DGKB: variants seen among roughly 807,000 people sequenced by gnomAD.
The protein encoded by DGKB is 90 kDa diacylglycerol kinase.
DGKB carries 67 observed loss-of-function variants against 114.3 expected under a neutral mutation model. That is an observed-to-expected ratio of 0.59 (90% confidence interval 0.48 to 0.72). The LOEUF (loss-of-function observed/expected upper bound fraction) is 0.72. Among genes scored for constraint, DGKB ranks in the 30% least tolerant of loss-of-function variants. The pLI is 0.00. For synonymous variants in DGKB, 398 were observed against 323.1 expected, an observed-to-expected ratio of 1.23 and a Z score of -2.49; for missense variants, 907 against 975.2, an observed-to-expected ratio of 0.93 and a Z score of 0.93.
chr7:14,171,821 C>T (rs1184469007), intron 25 of DGKB, among the ~76,000 whole-genome samples: 1 of 152,100 alleles, frequency 6.6e-6, no homozygotes, highest in African/African-American at 2.4e-5. Context: ...TTTGCAAATT[C>T]AAAGTGCATT....
intron 25 of DGKB, among the ~76,000 whole-genome samples, chr7:14,155,063 G>A (rs1187063347): frequency 2.0e-5 from 3 of 151,962 alleles, no homozygotes; most frequent in Non-Finnish European, 4.4e-5. Flanking sequence ...GAACAAGAAC[G>A]CCAGATGATT....
intron 21 of DGKB, among the ~76,000 whole-genome samples, chr7:14,467,629 T>C (rs1027663352): frequency 6.6e-6 from 1 of 152,206 alleles, no homozygotes; most frequent in African/African-American, 2.4e-5. Context: ...TATGTGAGAA[T>C]ATTATTTTTC....
chr7:14,497,650 C>T (rs530111535), intron 20 of DGKB, among the ~76,000 whole-genome samples: 11 of 152,012 alleles, frequency 7.2e-5, no homozygotes, highest in South Asian at 2.1e-4. Flanking sequence ...GACAAGAATT[C>T]GAACTTTGCT....
intron 2 of DGKB, among the ~76,000 whole-genome samples, chr7:14,800,839 C>T (rs532097287): frequency 6.6e-6 from 1 of 152,178 alleles, no homozygotes; most frequent in South Asian, 2.1e-4. Flanking sequence ...ACAACAATCC[C>T]AACCAGGCAG....
At chr7:14,228,884 CTGTGTGTG>C (rs71548072) in intron 23 of DGKB, among the ~76,000 whole-genome samples, 1 of 148,634 alleles carries the variant, frequency 6.7e-6, no homozygotes, top group Non-Finnish European at 1.5e-5. Context: ...AGTTTTTTTT[CTGTGTGTG>C]TGTGTGTGTG....
rs184887464 is a variant in DGKB at position 14,441,376 on chromosome 7, A to T, written c.1835+36785T>A. Among the ~76,000 whole-genome samples, 3 of 152,226 alleles carry T rather than the reference A, an allele frequency of 2.0e-5. No homozygotes were observed. The East Asian group carries it at 5.8e-4, about 29-fold the overall frequency. On this transcript the variant is annotated intron_variant, in intron 21 of 25. Coordinates refer to ENST00000402815, the MANE Select transcript of DGKB (RefSeq NM_001350709.2). ...TCATATTCACAGAAGTTCTTTTCAT[A>T]TTCCAAATAATAATCATTTGTCAAT...
intron 1 of DGKB, among the ~76,000 whole-genome samples, chr7:14,923,879 C>T (rs1243260218): frequency 6.7e-6 from 1 of 149,898 alleles, no homozygotes; most frequent in Non-Finnish European, 1.5e-5. Flanking sequence ...CCTGTAATCC[C>T]AGCTACTTGG....
intron 6 of DGKB, among the ~76,000 whole-genome samples, chr7:14,704,414 C>T (rs1398517738): frequency 3.4e-5 from 5 of 145,926 alleles, no homozygotes. Context: ...CGCCACTGCA[C>T]TCCAGCCTGG....
intron 21 of DGKB, among the ~76,000 whole-genome samples, chr7:14,391,577 T>G (rs1291627359): frequency 6.6e-6 from 1 of 151,274 alleles, no homozygotes; most frequent in Admixed American, 6.6e-5. Flanking sequence ...TATAGTCCCA[T>G]AGTCCCAGCT....
intron 1 of DGKB, among the ~76,000 whole-genome samples, chr7:14,930,910 C>T (rs1393683820): frequency 6.6e-6 from 1 of 151,994 alleles, no homozygotes; most frequent in African/African-American, 2.4e-5. Flanking sequence ...GTATTTTTAT[C>T]ATGAAGGTAT....
At chr7:14,311,845 C>A (rs1379677870) in intron 23 of DGKB, among the ~76,000 whole-genome samples, 1 of 152,062 alleles carries the variant, frequency 6.6e-6, no homozygotes, top group African/African-American at 2.4e-5. Context: ...TTGGGTTAAG[C>A]CATTTTCTTC....
intron 1 of DGKB, among the ~76,000 whole-genome samples, chr7:14,842,966 G>C (rs973982939): frequency 3.3e-5 from 5 of 152,294 alleles, no homozygotes; most frequent in Admixed American, 1.3e-4. Flanking sequence ...CCAGCACACT[G>C]GGAGGCTGAG....
chr7:14,376,573 A>G (rs1249511796), intron 21 of DGKB, among the ~76,000 whole-genome samples: 3 of 152,164 alleles, frequency 2.0e-5, no homozygotes, highest in Non-Finnish European at 4.4e-5. Context: ...AAAGTCCAGT[A>G]CTTTATAGCA....
chr7:14,726,031 C>T (rs1165846222), intron 5 of DGKB, among the ~76,000 whole-genome samples: 1 of 152,180 alleles, frequency 6.6e-6, no homozygotes, highest in African/African-American at 2.4e-5. Context: ...AATACATACA[C>T]ATATTATCCC....
chr7:14,940,982 A>G (rs976220229), intron 1 of DGKB, among the ~76,000 whole-genome samples: 8 of 152,056 alleles, frequency 5.3e-5, no homozygotes, highest in Non-Finnish European at 1.0e-4. Flanking sequence ...TACGACTTTG[A>G]TAGGAGAGAA....
chr7:14,466,167 G>T (rs1002381085), intron 21 of DGKB, among the ~76,000 whole-genome samples: 2 of 152,150 alleles, frequency 1.3e-5, no homozygotes, highest in African/African-American at 4.8e-5. Flanking sequence ...TAATCAAACT[G>T]GTCTTATCTT....
intron 2 of DGKB, among the ~76,000 whole-genome samples, chr7:14,814,738 C>T (rs952345762): frequency 2.6e-5 from 4 of 151,730 alleles, no homozygotes; most frequent in Non-Finnish European, 4.4e-5. Flanking sequence ...AATATTCCTC[C>T]TTTAGATTAC....
intron 21 of DGKB, among the ~76,000 whole-genome samples, chr7:14,379,853 CGG>C (rs1819138700): frequency 2.0e-5 from 3 of 148,568 alleles, no homozygotes; most frequent in African/African-American, 7.5e-5. Flanking sequence ...CGAGCGGGCC[CGG>C]CCTTAAGCAG....
intron 23 of DGKB, among the ~76,000 whole-genome samples, chr7:14,284,142 T>G (rs1440185116): frequency 6.6e-6 from 1 of 151,958 alleles, no homozygotes; most frequent in East Asian, 1.9e-4. Flanking sequence ...ATCCAGAATC[T>G]ACAATGAACT....
Sources: gnomAD v4.1 joint callset for allele counts (sites outside exome capture counted in the v4.1 genomes callset) on GRCh38, gnomAD v4.1.1 for gene constraint, MANE v1.5 for transcripts, NCBI Gene and HGNC (gene_info 2026-07-23, HGNC 2026-07-21) for gene names.